ARHGEF4: variants seen among roughly 807,000 people sequenced by gnomAD.
ARHGEF4 encodes APC-stimulated guanine nucleotide exchange factor 1.
In ARHGEF4, 119 loss-of-function variants were observed where a neutral mutation model predicts 162.0. The observed-to-expected ratio is 0.73, with a 90% confidence interval of 0.63 to 0.86. ARHGEF4 has a LOEUF of 0.86. ARHGEF4 is among the 40% of genes least tolerant of loss of function. The pLI, the probability that ARHGEF4 is intolerant of heterozygous loss-of-function variation, is 0.00. For missense variants in ARHGEF4, 2,488 were observed against 2,456.0 expected, an observed-to-expected ratio of 1.01 and a Z score of -0.28; for synonymous variants, 1,014 against 979.9, an observed-to-expected ratio of 1.03 and a Z score of -0.65.
intron 4 of ARHGEF4, among the ~76,000 whole-genome samples, chr2:131,011,246 AC>A (rs1285353986): frequency 1.3e-5 from 2 of 152,178 alleles, no homozygotes; most frequent in African/African-American, 4.8e-5. Flanking sequence ...AGCACACCTG[AC>A]CTTTTCAGCC....
chr2:130,855,353 G>A (rs1294041876), intron 1 of ARHGEF4, among the ~76,000 whole-genome samples: 1 of 152,146 alleles, frequency 6.6e-6, no homozygotes, highest in Non-Finnish European at 1.5e-5. Context: ...GACCATGAGT[G>A]TAACTCTGAA....
At chr2:130,851,468 G>A (rs1326621353) in intron 1 of ARHGEF4, among the ~76,000 whole-genome samples, 1 of 152,244 alleles carries the variant, frequency 6.6e-6, no homozygotes, top group African/African-American at 2.4e-5. Context: ...ACCGGGTGCG[G>A]TTCATGCGGG....
At position 130,931,246 on chromosome 2, in the gene ARHGEF4, G is replaced by A; in HGVS notation, c.3847G>A (p.Asp1283Asn). ...RRLHIGAVHKDGVKCWRKTII... is the reference protein window; with the variant it reads ...RRLHIGAVHKNGVKCWRKTII... ...GCTGCACATAGGGGCAGTGCACAAA[G>A]ATGGAGTCAAGGTAAGCCACTCCCG... Residue 1283 changes from aspartate (D) to asparagine (N), a missense_variant, in exon 3 of 14, where the codon GAT becomes AAT. Coordinates refer to ENST00000409359, the MANE Select transcript of ARHGEF4 (RefSeq NM_001367493.1). The A allele has an allele frequency of 1.9e-6, 3 of 1,607,460 alleles. No individual in the cohort carries two copies. Among genetic ancestry groups the A allele is most frequent in the Middle Eastern group, 1.7e-4 (1 of 6,044 alleles).
At chr2:131,017,187 C>G (rs1197320904) in intron 4 of ARHGEF4, among the ~76,000 whole-genome samples, 1 of 152,184 alleles carries the variant, frequency 6.6e-6, no homozygotes, top group East Asian at 1.9e-4. Flanking sequence ...TAACGCTTTC[C>G]TATGAATTAG....
intron 4 of ARHGEF4, among the ~76,000 whole-genome samples, chr2:131,000,235 G>A (rs566791729): frequency 6.6e-6 from 1 of 152,038 alleles, no homozygotes; most frequent in South Asian, 2.1e-4. Context: ...GTCTATTATT[G>A]TGGTGAACTT....
intron 4 of ARHGEF4, among the ~76,000 whole-genome samples, chr2:131,005,739 G>A (rs1218356236): frequency 6.6e-6 from 1 of 151,810 alleles, no homozygotes; most frequent in African/African-American, 2.4e-5. Flanking sequence ...TGTGGGCACT[G>A]GGGGGAGATG....
chr2:130,852,183 C>G (rs1276693244), intron 1 of ARHGEF4, among the ~76,000 whole-genome samples: 1 of 152,242 alleles, frequency 6.6e-6, no homozygotes, highest in Non-Finnish European at 1.5e-5. Flanking sequence ...GCAGGCCCTC[C>G]CTTCTGACGA....
intron 5 of ARHGEF4, among the ~76,000 whole-genome samples, chr2:131,030,325 G>A (rs185989129): frequency 6.6e-6 from 1 of 152,236 alleles, no homozygotes; most frequent in Non-Finnish European, 1.5e-5. Context: ...GGACTTCTCT[G>A]AAAAAATAAC....
Position 130,916,415 on chromosome 2 carries a change from C to G in ARHGEF4, c.2469C>G (p.Arg823=), listed in dbSNP as rs1438442747. The G allele has an allele frequency of 1.3e-6, 2 of 1,532,544 alleles. No individual in the cohort carries two copies. The highest frequency in any genetic ancestry group is 2.8e-5 in the African/African-American group (2 of 72,516). 94.9% of individuals were successfully genotyped at this position (1,532,544 alleles called of 1,614,324 possible). A position where few individuals can be genotyped will look rare whatever the true frequency, so the allele number is the denominator to read the frequency against. The change falls in exon 2 of 14, where the codon CGC becomes CGG. Residue 823 remains arginine (R), a synonymous_variant. Transcript: ENST00000409359. Reference sequence around the variant, plus strand: ...CGGCCCCGACCACCGAGGGTCGCCGCTGGGGCTCTTCAGGCCCCGAGGGGC... The same window carrying G: ...CGGCCCCGACCACCGAGGGTCGCCGGTGGGGCTCTTCAGGCCCCGAGGGGC... ...GVPAPTTEGR[R]WGSSGPEGLP...
chr2:131,005,515 G>A (rs1167459308), intron 4 of ARHGEF4, among the ~76,000 whole-genome samples: 1 of 152,164 alleles, frequency 6.6e-6, no homozygotes, highest in Non-Finnish European at 1.5e-5. Context: ...GCGCCTCTGG[G>A]GGTCATTTAC....
chr2:130,849,189 C>T (rs1486345314), intron 1 of ARHGEF4, among the ~76,000 whole-genome samples: 2 of 152,232 alleles, frequency 1.3e-5, no homozygotes, highest in East Asian at 1.9e-4. Flanking sequence ...TCAGTGTGCC[C>T]ACCTCCCGGA....
chr2:130,855,737 G>A (rs972836076), intron 1 of ARHGEF4, among the ~76,000 whole-genome samples: 1 of 152,170 alleles, frequency 6.6e-6, no homozygotes, highest in African/African-American at 2.4e-5. Flanking sequence ...TCAATAGCCA[G>A]TGTTTTCTAT....
rs753157908 is a variant in ARHGEF4, at chr2:131,041,394, G to A, written c.4827G>A (p.Pro1609=). ...DISLDGFLLT[P]VQKICKYPLQ... ...CCCTGGATGGCTTCCTGCTGACTCC[G>A]GTGCAGAAGATCTGCAAGTACCCTC... The change falls in exon 9 of 14, where the codon CCG becomes CCA. Residue 1609 remains proline, a synonymous_variant. Transcript: ENST00000409359. 32 of 1,613,258 alleles carry A rather than the reference G, an allele frequency of 2.0e-5. No homozygotes were observed. The Admixed American group carries it at 2.5e-4, about 13-fold the overall frequency.
chr2:130,930,984 G>A lies in ARHGEF4; in HGVS notation c.3585G>A (p.Glu1195=), dbSNP rs1470199066. The change falls in exon 3 of 14, where the codon GAG becomes GAA. Residue 1195 remains glutamate, a synonymous_variant. Transcript: ENST00000409359. ...TGCCCTGGGAAGAACCAGCAGGTGA[G>A]AAGCCCAGTTGCTCTCACAGTCAGA... ...NHMPWEEPAG[E]KPSCSHSQKA... 4.3e-6 allele frequency: 7 copies of A among 1,610,804 alleles called. No individual in the cohort carries two copies. Among genetic ancestry groups the A allele is most frequent in the Admixed American group, 1.7e-5 (1 of 59,944 alleles).
chr2:130,873,133 C>T (rs2104937661), intron 1 of ARHGEF4, among the ~76,000 whole-genome samples: 1 of 152,334 alleles, frequency 6.6e-6, no homozygotes, highest in Non-Finnish European at 1.5e-5. Context: ...AAACCCTCCA[C>T]TCCCTAGCTG....
Position 130,915,080 on chromosome 2 carries a change from C to G in ARHGEF4, c.1134C>G (p.Ile378Met). The part of the protein sequence containing the change: ...KNERDPRIQN[I>M]PSPAPTQLSG... ...AACGAGATCCAAGAATACAAAACAT[C>G]CCTTCCCCTGCACCCACCCAGCTGT... Residue 378 changes from isoleucine to methionine, a missense_variant, in exon 2 of 14, where the codon ATC becomes ATG. Physicochemically the swap from Ile to Met is conservative, Grantham distance 10 (BLOSUM62 1). Transcript: ENST00000409359. 5.8e-6 allele frequency: 9 copies of G among 1,550,700 alleles called. No homozygotes were observed. The highest frequency in any genetic ancestry group is 7.8e-6 in the Non-Finnish European group (9 of 1,147,018).
At chr2:130,879,656 C>A (rs957910956) in intron 1 of ARHGEF4, among the ~76,000 whole-genome samples, 2 of 152,338 alleles carry the variant, frequency 1.3e-5, no homozygotes, top group African/African-American at 4.8e-5. Context: ...AATTTTTTAA[C>A]TTCCATATCT....
chr2:130,931,256 A>AG lies in ARHGEF4; in HGVS notation c.3858+1dup, dbSNP rs754997697. 1.1e-5 allele frequency: 17 copies of AG among 1,600,114 alleles called. No homozygotes were observed. The East Asian group carries it at 3.8e-4, about 36-fold the overall frequency. ...GGGGCAGTGCACAAAGATGGAGTCAAGGTAAGCCACTCCCGGCCAGGAGTC... is the reference window on the plus strand; with the variant it reads ...GGGGCAGTGCACAAAGATGGAGTCAAGGGTAAGCCACTCCCGGCCAGGAGTC... On this transcript the variant is annotated frameshift_variant and splice_region_variant, in exon 3 of 14. Transcript: ENST00000409359. LOFTEE classifies it high-confidence loss of function.
chr2:130,966,912 T>C (rs904368484), intron 4 of ARHGEF4, among the ~76,000 whole-genome samples: 22 of 152,356 alleles, frequency 1.4e-4, no homozygotes, highest in African/African-American at 5.3e-4. Context: ...GTGTTTCTGT[T>C]TGACTAGTCT....
Sources: gnomAD v4.1 joint callset for allele counts (sites outside exome capture counted in the v4.1 genomes callset) on GRCh38, gnomAD v4.1.1 for gene constraint, MANE v1.5 for transcripts, NCBI Gene and HGNC (gene_info 2026-07-23, HGNC 2026-07-21) for gene names.